COL7A1: variants seen among roughly 807,000 people sequenced by gnomAD.
COL7A1 encodes the protein collagen type VII alpha 1 chain.
COL7A1 carries 296 observed loss-of-function variants against 456.2 expected under a neutral mutation model. The observed-to-expected ratio is 0.65, with a 90% confidence interval of 0.59 to 0.71. The LOEUF (loss-of-function observed/expected upper bound fraction) is 0.71, where lower values mean the gene tolerates loss of function less well. Ranked by LOEUF, COL7A1 falls within the 30% of genes least tolerant of loss-of-function variation. COL7A1 has a pLI of 0.00. For missense variants in COL7A1, 3,441 were observed against 4,017.2 expected, an observed-to-expected ratio of 0.86 and a Z score of 3.88; for synonymous variants, 1,464 against 1,525.9, an observed-to-expected ratio of 0.96 and a Z score of 0.95.
Position 48,575,592 on chromosome 3 carries a change from A to G in COL7A1, c.5979+34T>C. The G allele has an allele frequency of 6.2e-7, 1 of 1,612,600 alleles. No homozygotes were observed. The highest frequency in any genetic ancestry group is 8.5e-7 in the Non-Finnish European group (1 of 1,179,984). Reference sequence around the variant, plus strand: ...TGGCTGTACAGCTACACCCCACTCCACGGGGCACAACCCACTGAGCCACTT... The same window carrying G: ...TGGCTGTACAGCTACACCCCACTCCGCGGGGCACAACCCACTGAGCCACTT... On this transcript the variant is annotated intron_variant, in intron 73 of 118. Coordinates refer to ENST00000681320, the MANE Select transcript of COL7A1 (RefSeq NM_000094.4). The surrounding 1 kb of genome is among the most constrained non-coding windows in gnomAD (Gnocchi z 6.3).
In COL7A1 at chr3:48,580,185, G is replaced by A. The variant is rs1264166069; in HGVS notation, c.5097+115C>T. 1 of 1,539,012 alleles carries A rather than the reference G, an allele frequency of 6.5e-7. No homozygotes were observed. The highest frequency in any genetic ancestry group is 1.4e-5 in the African/African-American group (1 of 72,998). ...CCAATGCCAGCCCCCAGCAGGCATG[G>A]GTGGCCATCCATGCTTCCCACCTGG... On this transcript the variant is annotated intron_variant, in intron 56 of 118. Coordinates refer to ENST00000681320, the MANE Select transcript of COL7A1 (RefSeq NM_000094.4). The surrounding 1 kb of genome is among the most constrained non-coding windows in gnomAD (Gnocchi z 4.5).
rs1160176401 is a variant in COL7A1 at position 48,586,063 on chromosome 3, C to G, written c.3723+11G>C. On this transcript the variant is annotated intron_variant, in intron 28 of 118. Transcript: ENST00000681320. The surrounding 1 kb of genome is among the most constrained non-coding windows in gnomAD (Gnocchi z 5.1). ...TTCTACCACCCAGTCCCCCAGAGGCCTCTTCCAAACCTGAGTAGTGAAGGA... is the reference window on the plus strand; with the variant it reads ...TTCTACCACCCAGTCCCCCAGAGGCGTCTTCCAAACCTGAGTAGTGAAGGA... 1 of 1,613,610 alleles carries G rather than the reference C, an allele frequency of 6.2e-7. No homozygotes were observed. The highest frequency in any genetic ancestry group is 8.5e-7 in the Non-Finnish European group (1 of 1,180,030).
chr3:48,576,282 C>T lies in COL7A1; in HGVS notation c.5787G>A (p.Glu1929=). 6.2e-7 allele frequency: 1 copy of T among 1,613,854 alleles called. No homozygotes were observed. Among genetic ancestry groups the T allele is most frequent in the South Asian group, 1.1e-5 (1 of 91,082 alleles). The change falls in exon 71 of 119, where the codon GAG becomes GAA. Residue 1929 remains glutamate (E), a synonymous_variant. Coordinates refer to ENST00000681320, the MANE Select transcript of COL7A1 (RefSeq NM_000094.4). ...TTCCAGGCTCTCCTCGCAGGCCACG[C>T]TCTCCAGGGAGGCCCTGGAGAGATG... is the stretch of plus-strand genomic sequence containing the variant. ...GSKGEQGLPG[E]RGLRGEPGSV...
chr3:48,587,910 G>C lies in COL7A1; in HGVS notation c.2740C>G (p.Pro914Ala), dbSNP rs777216448. ...GGQEQSRVLG[P>A]ELSSYHLDGL... ...TCCAGGTGATAGCTGCTGAGCTCGG[G>C]CCCCAGGACCCGGGACTGTTCCTGG... The change falls in exon 22 of 119, where the codon CCC becomes GCC. Residue 914 changes from proline (P) to alanine (A), a missense_variant. Around this residue, in one of 3 missense-constraint regions of COL7A1, gnomAD observed 444 missense variants for 427.6 expected, o/e 1.04. Transcript: ENST00000681320. The surrounding 1 kb of genome is among the most constrained non-coding windows in gnomAD (Gnocchi z 6.1). 1.9e-6 allele frequency: 3 copies of C among 1,604,340 alleles called. No individual in the cohort carries two copies. Among genetic ancestry groups the C allele is most frequent in the Non-Finnish European group, 2.6e-6 (3 of 1,175,868 alleles).
At position 48,573,040 on chromosome 3, in the gene COL7A1, G is replaced by A. The variant is rs1490689806; in HGVS notation, c.6731C>T (p.Pro2244Leu). The A allele has an allele frequency of 1.9e-6, 3 of 1,614,130 alleles. No homozygotes were observed. The Admixed American group carries it at 5.0e-5, about 27-fold the overall frequency. Residue 2244 changes from proline to leucine, a missense_variant, in exon 86 of 119, where the codon CCA becomes CTA. This residue lies in a region of COL7A1 where 2,084 missense variants were observed against 2,501.3 expected (regional missense o/e 0.83). Transcript: ENST00000681320. The surrounding 1 kb of genome is among the most constrained non-coding windows in gnomAD (Gnocchi z 5.5). ...ACTCACCACTTGTCCAGGCAAACCTGGAGACCCCTGTGGACCCTGACGGAG... is the reference window on the plus strand; with the variant it reads ...ACTCACCACTTGTCCAGGCAAACCTAGAGACCCCTGTGGACCCTGACGGAG... ...PSGLVGPQGS[P>L]GLPGQVGETG... is the part of the protein sequence containing the mutation.
intron 46 of COL7A1, 53 bp downstream of exon 46, chr3:48,582,425 C>A (rs2044831305): frequency 1.2e-6 from 2 of 1,614,104 alleles, no homozygotes; most frequent in Non-Finnish European, 1.7e-6. Flanking sequence ...TCCCAGTGTC[C>A]CATCTGCCAC....
At position 48,586,530 on chromosome 3, in the gene COL7A1, G is replaced by A. The variant is rs1251832984; in HGVS notation, c.3403+33C>T. ...TGGGGCACCAAGCTCCCAGTGGATA[G>A]CCCCAGGAGTCCATGCCTGCTGCAG... On this transcript the variant is annotated intron_variant, in intron 26 of 118. Coordinates refer to ENST00000681320, the MANE Select transcript of COL7A1 (RefSeq NM_000094.4). The surrounding 1 kb of genome is among the most constrained non-coding windows in gnomAD (Gnocchi z 5.1). 1 of 1,613,756 alleles carries A rather than the reference G, an allele frequency of 6.2e-7. No homozygotes were observed. Among genetic ancestry groups the A allele is most frequent in the South Asian group, 1.1e-5 (1 of 91,086 alleles).
Position 48,572,512 on chromosome 3 carries a change from C to T in COL7A1, c.6927G>A (p.Lys2309=). Residue 2309 remains lysine, a synonymous_variant, in exon 89 of 119, where the codon AAG becomes AAA. Transcript: ENST00000681320. The surrounding 1 kb of genome is among the most constrained non-coding windows in gnomAD (Gnocchi z 4.6). ...GQAVVGLPGA[K]GEKGAPGGLA... is the part of the protein sequence containing the mutation. ...CCCCACACACACTCACCTTCTCTCC[C>T]TTTGCTCCAGGGAGCCCGACCACAG... 1 of 1,614,016 alleles carries T rather than the reference C, an allele frequency of 6.2e-7. No homozygotes were observed. Among genetic ancestry groups the T allele is most frequent in the South Asian group, 1.1e-5 (1 of 91,086 alleles).
rs760483961 is a variant in COL7A1, at chr3:48,573,366, A to G, written c.6619-18T>C. Reference sequence around the variant, plus strand: ...GGCTCCCCCTGCAAACAACCCAGAGACTGCATGAGCAGAGCCCACGTGGCC... The same window carrying G: ...GGCTCCCCCTGCAAACAACCCAGAGGCTGCATGAGCAGAGCCCACGTGGCC... On this transcript the variant is annotated intron_variant, in intron 83 of 118. Coordinates refer to ENST00000681320, the MANE Select transcript of COL7A1 (RefSeq NM_000094.4). This position sits in a 1 kb window ranked among gnomAD's most constrained non-coding sequence, Gnocchi z 5.5. The G allele has an allele frequency of 1.3e-5, 21 of 1,613,918 alleles. No individual in the cohort carries two copies. The South Asian group carries it at 2.0e-4, about 15-fold the overall frequency.
rs2044070356 is a variant in COL7A1 at position 48,573,411 on chromosome 3, C to T, written c.6619-63G>A. 6.2e-7 allele frequency: 1 copy of T among 1,613,846 alleles called. No individual in the cohort carries two copies. Among genetic ancestry groups the T allele is most frequent in the African/African-American group, 1.3e-5 (1 of 75,026 alleles). ...GTGGCCAGGGCTCCTGGAGCTCATC[C>T]TCATTGCAGGAGATGACAGCCCAGG... is the stretch of plus-strand genomic sequence containing the variant. On this transcript the variant is annotated intron_variant, in intron 83 of 118. Transcript: ENST00000681320. This position sits in a 1 kb window ranked among gnomAD's most constrained non-coding sequence, Gnocchi z 5.5.
At chr3:48,582,870 G>T in intron 44 of COL7A1, 143 bp downstream of exon 44, 1 of 1,335,964 alleles carries the variant, frequency 7.5e-7, no homozygotes, top group Non-Finnish European at 1.1e-6. Context: ...CTGGGGCTGA[G>T]GGTTAGAGCC....
At position 48,576,283 on chromosome 3, in the gene COL7A1, T is replaced by C. The variant is rs1237031882; in HGVS notation, c.5786A>G (p.Glu1929Gly). 3 of 1,613,470 alleles carry C rather than the reference T, an allele frequency of 1.9e-6. No individual in the cohort carries two copies. Among genetic ancestry groups the C allele is most frequent in the Non-Finnish European group, 2.5e-6 (3 of 1,179,954 alleles). The change falls in exon 71 of 119, where the codon GAG (glutamate) becomes GGG (glycine). Residue 1929 changes from glutamate (E) to glycine (G), a missense_variant. Glu to Gly is a moderately conservative substitution (Grantham distance 98). Around this residue, in one of 3 missense-constraint regions of COL7A1, gnomAD observed 2,084 missense variants for 2,501.3 expected, o/e 0.83. Coordinates refer to ENST00000681320, the MANE Select transcript of COL7A1 (RefSeq NM_000094.4). ...TCCAGGCTCTCCTCGCAGGCCACGCTCTCCAGGGAGGCCCTGGAGAGATGA... is the reference window on the plus strand; with the variant it reads ...TCCAGGCTCTCCTCGCAGGCCACGCCCTCCAGGGAGGCCCTGGAGAGATGA... ...GSKGEQGLPG[E>G]RGLRGEPGSV...
At chr3:48,589,553 C>A in intron 17 of COL7A1, 46 bp downstream of exon 17, 1 of 1,611,706 alleles carries the variant, frequency 6.2e-7, no homozygotes, top group Non-Finnish European at 8.5e-7. Flanking sequence ...AAACCCCCAG[C>A]CCCCATTCCA....
chr3:48,574,367 C>A lies in COL7A1; in HGVS notation c.6457-61G>T, dbSNP rs546051976. On this transcript the variant is annotated intron_variant, in intron 79 of 118. Transcript: ENST00000681320. This position sits in a 1 kb window ranked among gnomAD's most constrained non-coding sequence, Gnocchi z 5.0. The stretch of plus-strand genomic sequence containing the variant: ...TTCCAACTTCCCCTCCACCCACCAT[C>A]CCCCTAGACAGAGTCAGGACCCAGA... 7 of 1,613,342 alleles carry A rather than the reference C, an allele frequency of 4.3e-6. No individual in the cohort carries two copies. Among genetic ancestry groups the A allele is most frequent in the Non-Finnish European group, 5.9e-6 (7 of 1,179,440 alleles).
rs768567887 is a variant in COL7A1 at position 48,569,849 on chromosome 3, A to G, written c.7521+31T>C. On this transcript the variant is annotated intron_variant, in intron 100 of 118. Coordinates refer to ENST00000681320, the MANE Select transcript of COL7A1 (RefSeq NM_000094.4). The surrounding 1 kb of genome is among the most constrained non-coding windows in gnomAD (Gnocchi z 4.9). ...TCATACAAGATCCACTCACCCCCCC[A>G]CTCATGCCAGGACCTTCCCCACGTT... 1.5e-5 allele frequency: 25 copies of G among 1,613,506 alleles called. No individual in the cohort carries two copies. Among genetic ancestry groups the G allele is most frequent in the Non-Finnish European group, 2.0e-5 (24 of 1,179,896 alleles).
chr3:48,574,522 C>A lies in COL7A1; in HGVS notation c.6422G>T (p.Gly2141Val). ...GTCCTGACCCCTCGGTCCAGGCTCT[C>A]CCCGGTCTCCTTTGATGCCTGGCAC... ...RGVPGIKGDRGEPGPRGQDGN... is the reference protein window; with the variant it reads ...RGVPGIKGDRVEPGPRGQDGN... The change falls in exon 79 of 119, where the codon GGA (glycine) becomes GTA (valine). Residue 2141 changes from glycine (G) to valine (V), a missense_variant. Physicochemically the swap from Gly to Val is moderately radical, Grantham distance 109 (BLOSUM62 -3). Coordinates refer to ENST00000681320, the MANE Select transcript of COL7A1 (RefSeq NM_000094.4). This position sits in a 1 kb window ranked among gnomAD's most constrained non-coding sequence, Gnocchi z 5.0. The A allele has an allele frequency of 6.2e-7, 1 of 1,614,042 alleles. No homozygotes were observed. Among genetic ancestry groups the A allele is most frequent in the Non-Finnish European group, 8.5e-7 (1 of 1,180,024 alleles).
chr3:48,574,853 C>A lies in COL7A1; in HGVS notation c.6292G>T (p.Glu2098Ter). Residue 2098 changes from glutamate to a stop codon, truncating the protein, a stop_gained, in exon 77 of 119, where the codon GAG (glutamate) becomes TAG (stop). Coordinates refer to ENST00000681320, the MANE Select transcript of COL7A1 (RefSeq NM_000094.4). LOFTEE classifies it high-confidence loss of function. The surrounding 1 kb of genome is among the most constrained non-coding windows in gnomAD (Gnocchi z 5.0). ...TCTCCAGAGAGTCCAGGACCTGGCTCATCCACAGACACCTACAAACACAAG... is the reference window on the plus strand; with the variant it reads ...TCTCCAGAGAGTCCAGGACCTGGCTAATCCACAGACACCTACAAACACAAG... ...GPPGPKVSVDEPGPGLSGEQG... is the reference protein window; with the variant it reads ...GPPGPKVSVD The A allele has an allele frequency of 6.2e-7, 1 of 1,613,884 alleles. No homozygotes were observed. Among genetic ancestry groups the A allele is most frequent in the East Asian group, 2.2e-5 (1 of 44,874 alleles).
In COL7A1 at chr3:48,592,262, A is replaced by T; in HGVS notation, c.1094-14T>A. 6.2e-7 allele frequency: 1 copy of T among 1,613,746 alleles called. No individual in the cohort carries two copies. Among genetic ancestry groups the T allele is most frequent in the Non-Finnish European group, 8.5e-7 (1 of 1,179,960 alleles). The stretch of plus-strand genomic sequence containing the variant: ...GTGTGGGCCCACCTGCATGGGGGAC[A>T]CCAAGGGGCCAGTGGGCCTTGCAGA... On this transcript the variant is annotated splice_polypyrimidine_tract_variant and intron_variant, in intron 9 of 118. Transcript: ENST00000681320. This position sits in a 1 kb window ranked among gnomAD's most constrained non-coding sequence, Gnocchi z 7.6.
In COL7A1 at chr3:48,595,077, C is replaced by T. The variant is rs1334243008; in HGVS notation, c.83G>A (p.Arg28Lys). 1 of 1,550,414 alleles carries T rather than the reference C, an allele frequency of 6.4e-7. No homozygotes were observed. The highest frequency in any genetic ancestry group is 1.2e-5 in the South Asian group (1 of 84,070). The change falls in exon 2 of 119, where the codon AGA becomes AAA. Residue 28 changes from arginine (R) to lysine (K), a missense_variant and splice_region_variant. Physicochemically the swap from Arg to Lys is conservative, Grantham distance 26 (BLOSUM62 2). This residue lies in a region of COL7A1 where 913 missense variants were observed against 1,088.2 expected (regional missense o/e 0.84). Coordinates refer to ENST00000681320, the MANE Select transcript of COL7A1 (RefSeq NM_000094.4). ...GGGTCCTCCCTTGCGGTGCCCACCT[C>T]TCTCCCTGTGCTGGGCTCGCACTCG... ...APRVRAQHRE[R>K]VTCTRLYAAD... is the part of the protein sequence containing the mutation.
Sources: allele counts gnomAD v4.1 joint callset, GRCh38; gene constraint gnomAD v4.1.1; regional missense constraint gnomAD v4.1.1; non-coding constraint Gnocchi (gnomAD v3.1); transcripts MANE v1.5; gene names NCBI Gene and HGNC (gene_info 2026-07-23, HGNC 2026-07-21).